The following STK32B variants were observed in gnomAD, a reference collection of about 807,000 sequenced individuals.
The protein encoded by STK32B is serine/threonine kinase 32B.
In STK32B, 43 loss-of-function variants were observed where a neutral mutation model predicts 52.6. That is an observed-to-expected ratio of 0.82 (90% CI 0.64 to 1.05). The LOEUF (loss-of-function observed/expected upper bound fraction) is 1.05, where lower values mean the gene tolerates loss of function less well. STK32B is among the 50% of genes least tolerant of loss of function. The probability of loss-of-function intolerance (pLI) is 0.00; values close to 1 mark genes in which losing one functional copy is unlikely to be tolerated. For missense variants in STK32B, 621 were observed against 534.6 expected (o/e 1.16, Z -1.59); for synonymous variants, 238 against 204.3 (o/e 1.17, Z -1.41).
At chr4:5,407,899 C>A (rs1737783169) in intron 5 of STK32B, among the ~76,000 whole-genome samples, 1 of 152,060 alleles carries the variant, frequency 6.6e-6, no homozygotes, top group South Asian at 2.1e-4. Context: ...GTGATTAGGT[C>A]ATGAGGGTGG....
intron 1 of STK32B, among the ~76,000 whole-genome samples, chr4:5,080,828 T>A (rs1317148732): frequency 6.6e-6 from 1 of 151,674 alleles, no homozygotes. Context: ...CTTAGCAAAT[T>A]TCAAGCCTAC....
chr4:5,412,466 C>A (rs926486832), intron 5 of STK32B, among the ~76,000 whole-genome samples: 1 of 152,128 alleles, frequency 6.6e-6, no homozygotes, highest in Non-Finnish European at 1.5e-5. Context: ...CCCACTGTAC[C>A]TGAATTCCTG....
chr4:5,138,160 C>G (rs1209393658), intron 1 of STK32B, among the ~76,000 whole-genome samples: 1 of 152,162 alleles, frequency 6.6e-6, no homozygotes, highest in African/African-American at 2.4e-5. Context: ...GGAAATAAAT[C>G]TAAATCAAAG....
intron 4 of STK32B, among the ~76,000 whole-genome samples, chr4:5,360,398 T>A (rs1265533107): frequency 6.6e-6 from 1 of 152,090 alleles, no homozygotes; most frequent in Non-Finnish European, 1.5e-5. Context: ...CAGTGCCAAG[T>A]GCTTTGAGAG....
intron 1 of STK32B, among the ~76,000 whole-genome samples, chr4:5,074,449 T>C (rs571652190): frequency 1.3e-5 from 2 of 152,212 alleles, no homozygotes; most frequent in East Asian, 3.9e-4. Context: ...TCCTACAAAT[T>C]CTTTAAAAAT....
At chr4:5,407,888 G>A (rs889992101) in intron 5 of STK32B, among the ~76,000 whole-genome samples, 2 of 151,964 alleles carry the variant, frequency 1.3e-5, no homozygotes, top group Non-Finnish European at 2.9e-5. Flanking sequence ...GCCTTTGAGA[G>A]GTGATTAGGT....
At chr4:5,454,258 A>T (rs1264935277) in intron 7 of STK32B, among the ~76,000 whole-genome samples, 2 of 151,530 alleles carry the variant, frequency 1.3e-5, no homozygotes, top group African/African-American at 4.9e-5. Context: ...TGATGGCCGT[A>T]ACTAAGATCC....
chr4:5,440,955 C>T (rs9684003), intron 6 of STK32B, among the ~76,000 whole-genome samples: 51 of 150,292 alleles, frequency 3.4e-4, no homozygotes, highest in African/African-American at 1.2e-3. Flanking sequence ...GGGATGAAGC[C>T]CACTTGATCA....
At chr4:5,189,479 T>C (rs775585019) in intron 3 of STK32B, among the ~76,000 whole-genome samples, 1 of 152,234 alleles carries the variant, frequency 6.6e-6, no homozygotes, top group Non-Finnish European at 1.5e-5. Flanking sequence ...CTTTCATGGC[T>C]TGATAGCTCA....
chr4:5,315,798 G>C (rs1390893580), intron 3 of STK32B, among the ~76,000 whole-genome samples: 1 of 150,620 alleles, frequency 6.6e-6, no homozygotes, highest in African/African-American at 2.4e-5. Flanking sequence ...TCTGCCTCCT[G>C]GGTTCAAGCT....
intron 7 of STK32B, 76 bp downstream of exon 7, chr4:5,446,852 C>T (rs933288862): frequency 1.7e-5 from 24 of 1,454,366 alleles, no homozygotes; most frequent in African/African-American, 1.3e-4. Context: ...CGGGCAGAGT[C>T]GGCAGGGCCC....
chr4:5,476,061 AT>A (rs1200875690), intron 11 of STK32B, among the ~76,000 whole-genome samples: 2 of 151,024 alleles, frequency 1.3e-5, no homozygotes, highest in Non-Finnish European at 2.9e-5. Flanking sequence ...CACCCAGCTA[AT>A]TTTTGTATTT....
the STK32B span, among the ~76,000 whole-genome samples, chr4:5,040,613 C>T: frequency 2.6e-5 from 4 of 152,054 alleles, no homozygotes; most frequent in Admixed American, 6.6e-5. Flanking sequence ...AAGATGGTCT[C>T]AATCGCTTGA....
At chr4:5,495,926 T>C (rs1271507964) in intron 11 of STK32B, among the ~76,000 whole-genome samples, 2 of 152,152 alleles carry the variant, frequency 1.3e-5, no homozygotes, top group Admixed American at 6.5e-5. Context: ...TCTCTGATCG[T>C]TCCTCTGGAA....
In STK32B at chr4:5,376,403, T is replaced by TTC. The variant is rs150543940; in HGVS notation, c.435-21791_435-21790dup. Among the ~76,000 whole-genome samples the TTC allele has an allele frequency of 1.8e-4, 27 of 151,084 alleles. No individual in the cohort carries two copies. In the East Asian group the frequency reaches 4.3e-3, roughly 24 times the overall value. On this transcript the variant is annotated intron_variant, in intron 4 of 11. Coordinates refer to ENST00000282908, the MANE Select transcript of STK32B (RefSeq NM_018401.3). Reference sequence around the variant, plus strand: ...GCCAGGACACTTTCTCTCTCTCTCTTTCTCTCTCTCTCTCCCCTGCCCCCC... The same window carrying TTC: ...GCCAGGACACTTTCTCTCTCTCTCTTTCTCTCTCTCTCTCTCCCCTGCCCCCC...
intron 3 of STK32B, among the ~76,000 whole-genome samples, chr4:5,255,792 A>G (rs1267622365): frequency 6.6e-6 from 1 of 152,192 alleles, no homozygotes; most frequent in Non-Finnish European, 1.5e-5. Context: ...CTACTCTTCT[A>G]CTATATGAAT....
At chr4:5,444,698 C>T (rs540146364) in intron 6 of STK32B, among the ~76,000 whole-genome samples, 3 of 152,332 alleles carry the variant, frequency 2.0e-5, no homozygotes, top group South Asian at 2.1e-4. Flanking sequence ...GCACTCACTA[C>T]GGGCCAGGCA....
intron 4 of STK32B, among the ~76,000 whole-genome samples, chr4:5,366,102 A>G (rs768805224): frequency 6.6e-6 from 1 of 151,988 alleles, no homozygotes; most frequent in African/African-American, 2.4e-5. Flanking sequence ...ATGGAAAGAG[A>G]GCAGGAGAGG....
chr4:5,297,353 A>G (rs1170656498), intron 3 of STK32B, among the ~76,000 whole-genome samples: 1 of 152,018 alleles, frequency 6.6e-6, no homozygotes, highest in Non-Finnish European at 1.5e-5. Context: ...GTTCTCCTGG[A>G]TAATAACCTG....
Sources: allele counts gnomAD v4.1 joint callset (sites outside exome capture counted in the v4.1 genomes callset), GRCh38; gene constraint gnomAD v4.1.1; transcripts MANE v1.5; gene names NCBI Gene and HGNC (gene_info 2026-07-23, HGNC 2026-07-21).